PTPRQ: variants seen among roughly 807,000 people sequenced by gnomAD.
The protein encoded by PTPRQ is protein tyrosine phosphatase receptor type Q.
PTPRQ carries 199 observed loss-of-function variants against 246.0 expected under a neutral mutation model. That is an observed-to-expected ratio of 0.81 (90% confidence interval 0.72 to 0.91). PTPRQ has a LOEUF of 0.91. Ranked by LOEUF, PTPRQ falls within the 40% of genes least tolerant of loss-of-function variation. The probability of loss-of-function intolerance (pLI) is 0.00; values close to 1 mark genes in which losing one functional copy is unlikely to be tolerated. For synonymous variants in PTPRQ, 869 were observed against 853.2 expected, an observed-to-expected ratio of 1.02 and a Z score of -0.32; for missense variants, 2,624 against 2,528.4, an observed-to-expected ratio of 1.04 and a Z score of -0.81.
intron 3 of PTPRQ, among the ~76,000 whole-genome samples, chr12:80,457,142 A>T (rs1476253256): frequency 2.0e-5 from 3 of 152,060 alleles, no homozygotes; most frequent in African/African-American, 7.2e-5. Context: ...TTATTTTTTT[A>T]AAACAGTTTT....
chr12:80,509,751 T>C (rs1298105151), intron 16 of PTPRQ, among the ~76,000 whole-genome samples: 2 of 152,158 alleles, frequency 1.3e-5, no homozygotes, highest in Admixed American at 1.3e-4. Context: ...ACGTGCTACA[T>C]TGGCATTTCC....
chr12:80,521,241 C>T (rs1237908416), intron 17 of PTPRQ, among the ~76,000 whole-genome samples: 2 of 151,952 alleles, frequency 1.3e-5, no homozygotes, highest in Non-Finnish European at 2.9e-5. Context: ...TGTTTGAGTT[C>T]TTTGTAGATT....
intron 28 of PTPRQ, among the ~76,000 whole-genome samples, chr12:80,611,960 CTT>C (rs963550428): frequency 1.3e-5 from 2 of 150,356 alleles, no homozygotes; most frequent in Non-Finnish European, 3.0e-5. Flanking sequence ...GCTTCTCTCT[CTT>C]TTATTCTTTG....
chr12:80,459,653 G>A (rs1002370644), intron 5 of PTPRQ, among the ~76,000 whole-genome samples, 170 bp downstream of exon 5: 2 of 152,160 alleles, frequency 1.3e-5, no homozygotes, highest in South Asian at 2.1e-4. Flanking sequence ...AGGGTATCAT[G>A]TAACACAATT....
At position 80,567,717 on chromosome 12, in the gene PTPRQ, G is replaced by A. The variant is rs183446981; in HGVS notation, c.4285+17983G>A. ...TTTTCTTTTGATGGACATATGGATT[G>A]TTTCTATTAGGAATGAAACTGCTCT... On this transcript the variant is annotated intron_variant, in intron 25 of 44. Coordinates refer to ENST00000644991, the MANE Select transcript of PTPRQ (RefSeq NM_001145026.2). Among the ~76,000 whole-genome samples, 313 of 152,118 alleles carry A rather than the reference G, an allele frequency of 2.1e-3. 2 individuals are homozygous for A. The highest frequency in any genetic ancestry group is 7.3e-3 in the African/African-American group (304 of 41,510).
At chr12:80,490,670 G>A (rs1440909985) in intron 9 of PTPRQ, among the ~76,000 whole-genome samples, 2 of 151,892 alleles carry the variant, frequency 1.3e-5, no homozygotes, top group African/African-American at 2.4e-5. Flanking sequence ...GACAGCCTCC[G>A]CAACAGAAAA....
intron 6 of PTPRQ, among the ~76,000 whole-genome samples, chr12:80,466,765 C>T (rs1266592408): frequency 6.6e-6 from 1 of 152,102 alleles, no homozygotes; most frequent in Non-Finnish European, 1.5e-5. Context: ...GAAAGGATTC[C>T]CTATTTAATA....
intron 19 of PTPRQ, among the ~76,000 whole-genome samples, chr12:80,537,057 A>G (rs906664431): frequency 6.6e-6 from 1 of 152,196 alleles, no homozygotes; most frequent in African/African-American, 2.4e-5. Context: ...TTTGCAATTC[A>G]TCTGCCTTAG....
chr12:80,452,095 A>G (rs529846556), intron 3 of PTPRQ, among the ~76,000 whole-genome samples: 1,248 of 69,302 alleles, frequency 0.018, 65 homozygotes, highest in African/African-American at 0.082. Context: ...TTCTTGTTGA[A>G]TTGATCCCTT....
At chr12:80,667,638 T>C (rs1241947229) in intron 39 of PTPRQ, among the ~76,000 whole-genome samples, 2 of 151,916 alleles carry the variant, frequency 1.3e-5, no homozygotes, top group East Asian at 3.9e-4. Context: ...TAATAGTCAC[T>C]CACAAATATT....
intron 25 of PTPRQ, among the ~76,000 whole-genome samples, chr12:80,569,401 AG>A (rs1413815738): frequency 6.0e-5 from 2 of 33,222 alleles, no homozygotes; most frequent in Middle Eastern, 0.033. Flanking sequence ...GGGTGGGGGG[AG>A]GGGGGAGGGA....
chr12:80,548,523 A>G (rs535879559), intron 24 of PTPRQ, among the ~76,000 whole-genome samples: 2 of 152,296 alleles, frequency 1.3e-5, no homozygotes, highest in East Asian at 1.9e-4. Context: ...AGAAAAGTTT[A>G]TAACAGCTCA....
chr12:80,508,628 C>T (rs568745731), intron 16 of PTPRQ, among the ~76,000 whole-genome samples: 179 of 152,030 alleles, frequency 1.2e-3, no homozygotes, highest in African/African-American at 3.6e-3. Flanking sequence ...GAATGCACTG[C>T]AAAAGTTCTA....
chr12:80,507,006 A>G (rs1374237745), intron 16 of PTPRQ, among the ~76,000 whole-genome samples: 1 of 151,960 alleles, frequency 6.6e-6, no homozygotes, highest in African/African-American at 2.4e-5. Flanking sequence ...CAACTTTTAC[A>G]TTTTTAAGAA....
At chr12:80,659,694 G>A (rs1202903837) in intron 39 of PTPRQ, among the ~76,000 whole-genome samples, 4 of 152,040 alleles carry the variant, frequency 2.6e-5, no homozygotes. Context: ...ATGAGCAAAT[G>A]ATAACGTGGT....
At chr12:80,581,768 T>C (rs987032847) in intron 25 of PTPRQ, among the ~76,000 whole-genome samples, 13 of 151,696 alleles carry the variant, frequency 8.6e-5, no homozygotes, top group African/African-American at 3.2e-4. Context: ...AATAAATAAA[T>C]AGCAAAGCCA....
chr12:80,636,610 A>G (rs185138438), intron 35 of PTPRQ, among the ~76,000 whole-genome samples: 123 of 152,254 alleles, frequency 8.1e-4, no homozygotes, highest in African/African-American at 2.9e-3. Flanking sequence ...AAATCTCTCA[A>G]TGCAATTAAT....
chr12:80,455,622 G>A (rs1442839617), intron 3 of PTPRQ, among the ~76,000 whole-genome samples: 6 of 144,388 alleles, frequency 4.2e-5, no homozygotes, highest in African/African-American at 7.7e-5. Context: ...ATGGACTCTC[G>A]CTCTGTCGCC....
At chr12:80,480,823 G>A (rs1894018486) in intron 8 of PTPRQ, among the ~76,000 whole-genome samples, 1 of 152,150 alleles carries the variant, frequency 6.6e-6, no homozygotes, top group Non-Finnish European at 1.5e-5. Context: ...GACTAAACCA[G>A]GAAGAAGTTG....
Sources: gnomAD v4.1 joint callset for allele counts (sites outside exome capture counted in the v4.1 genomes callset) on GRCh38, gnomAD v4.1.1 for gene constraint, MANE v1.5 for transcripts, NCBI Gene and HGNC (gene_info 2026-07-23, HGNC 2026-07-21) for gene names.